Variants in DLK1 observed in about 807,000 individuals in gnomAD.
DLK1 encodes protein delta homolog 1.
A neutral mutation model predicts 35.2 loss-of-function variants in DLK1; 9 were observed. The ratio of observed to expected loss-of-function variants is 0.26; its 90% confidence interval spans 0.15 to 0.45. The LOEUF is 0.45. DLK1 is among the 20% of genes least tolerant of loss of function. DLK1 has a pLI of 1.00. For synonymous variants in DLK1, 231 were observed against 228.4 expected, an observed-to-expected ratio of 1.01 and a Z score of -0.10; for missense variants, 522 against 528.5, an observed-to-expected ratio of 0.99 and a Z score of 0.12.
intron 4 of DLK1, among the ~76,000 whole-genome samples, chr14:100,733,570 CTAA>C (rs147104355): frequency 5.9e-5 from 9 of 151,362 alleles, no homozygotes; most frequent in Non-Finnish European, 8.8e-5. Flanking sequence ...ATCCACACCG[CTAA>C]TAATAATAAT....
chr14:100,732,254 T>C (rs2036518527), intron 4 of DLK1, 71 bp downstream of exon 4: 1 of 1,558,582 alleles, frequency 6.4e-7, no homozygotes, highest in African/African-American at 1.4e-5. Context: ...CCTTTCAGCC[T>C]AACCCTGCTG....
At chr14:100,732,273 G>GTTCCCTCCCTCGCTCCC in intron 4 of DLK1, 90 bp downstream of exon 4, 1 of 1,516,198 alleles carries the variant, frequency 6.6e-7, no homozygotes, top group Non-Finnish European at 8.9e-7. Flanking sequence ...TGGACCTGTC[G>GTTCCCTCCCTCGCTCCC]TCTGACAAAA....
chr14:100,732,404 C>T (rs2273608), intron 4 of DLK1, among the ~76,000 whole-genome samples: 14,647 of 152,290 alleles, frequency 0.096, 1,081 homozygotes, highest in East Asian at 0.26. Context: ...TTCATATTCC[C>T]CTGATGTTCT....
chr14:100,732,268 C>T (rs1276141987), intron 4 of DLK1, 85 bp downstream of exon 4: 2 of 1,523,966 alleles, frequency 1.3e-6, no homozygotes, highest in African/African-American at 1.4e-5. Flanking sequence ...CCTGCTGGAC[C>T]TGTCGTCTGA....
Position 100,728,998 on chromosome 14 carries a change from A to C in DLK1, c.194A>C (p.His65Pro). ...DQCVTSPGCLHGLCGEPGQCI... is the reference protein window; with the variant it reads ...DQCVTSPGCLPGLCGEPGQCI... Reference sequence around the variant, plus strand: ...TGCGTGACCTCTCCCGGCTGCCTTCACGGACTCTGTGGAGAACCCGGGCAG... The same window carrying C: ...TGCGTGACCTCTCCCGGCTGCCTTCCCGGACTCTGTGGAGAACCCGGGCAG... Residue 65 changes from histidine (H) to proline (P), a missense_variant, in exon 3 of 5, where the codon CAC becomes CCC. Transcript: ENST00000341267. 1 of 1,613,860 alleles carries C rather than the reference A, an allele frequency of 6.2e-7. No individual in the cohort carries two copies. The highest frequency in any genetic ancestry group is 8.5e-7 in the Non-Finnish European group (1 of 1,179,960).
In DLK1 at chr14:100,734,789, C is replaced by G. The variant is rs779894012; in HGVS notation, c.1045C>G (p.Leu349Val). The change falls in exon 5 of 5, where the codon CTG becomes GTG. Residue 349 changes from leucine to valine, a missense_variant. Transcript: ENST00000341267. This position sits in a 1 kb window ranked among gnomAD's most constrained non-coding sequence, Gnocchi z 7.4. Reference protein sequence around the residue: ...YNHMLRKKKNLLLQYNSGEDL... With the variant: ...YNHMLRKKKNVLLQYNSGEDL... ...CCACATGCTGCGGAAGAAGAAGAAC[C>G]TGCTGCTTCAGTACAACAGCGGGGA... 3.1e-6 allele frequency: 5 copies of G among 1,613,980 alleles called. No homozygotes were observed. In the South Asian group the frequency reaches 5.5e-5, roughly 18 times the overall value.
In DLK1 at chr14:100,734,122, G is replaced by A. The variant is rs748580906; in HGVS notation, c.405-27G>A. On this transcript the variant is annotated intron_variant, in intron 4 of 4. Coordinates refer to ENST00000341267, the MANE Select transcript of DLK1 (RefSeq NM_003836.7). The surrounding 1 kb of genome is among the most constrained non-coding windows in gnomAD (Gnocchi z 7.4). ...CTGTTGTAGCCTAGCCCCTGAGGCCGTTTACTATGTCCCTGTTGTGTTGCA... is the reference window on the plus strand; with the variant it reads ...CTGTTGTAGCCTAGCCCCTGAGGCCATTTACTATGTCCCTGTTGTGTTGCA... 8.9e-6 allele frequency: 14 copies of A among 1,569,404 alleles called. No homozygotes were observed. The highest frequency in any genetic ancestry group is 6.0e-5 in the South Asian group (5 of 83,538).
In DLK1 at chr14:100,734,175, G is replaced by A; in HGVS notation, c.431G>A (p.Cys144Tyr). The A allele has an allele frequency of 1.2e-6, 2 of 1,611,564 alleles. No homozygotes were observed. Among genetic ancestry groups the A allele is most frequent in the Non-Finnish European group, 1.7e-6 (2 of 1,179,244 alleles). ...NGSPCQHGGT[C>Y]VDDEGRASHA... Reference sequence around the variant, plus strand: ...TCCCCCTGCCAGCACGGAGGCACCTGCGTGGATGATGAGGGCCGGGCCTCC... The same window carrying A: ...TCCCCCTGCCAGCACGGAGGCACCTACGTGGATGATGAGGGCCGGGCCTCC... Residue 144 changes from cysteine (C) to tyrosine (Y), a missense_variant, in exon 5 of 5, where the codon TGC becomes TAC. Physicochemically the swap from Cys to Tyr is radical, Grantham distance 194. Coordinates refer to ENST00000341267, the MANE Select transcript of DLK1 (RefSeq NM_003836.7). This position sits in a 1 kb window ranked among gnomAD's most constrained non-coding sequence, Gnocchi z 7.4.
chr14:100,727,131 C>A lies in DLK1; in HGVS notation c.63C>A (p.Thr21=). 3 of 1,587,408 alleles carry A rather than the reference C, an allele frequency of 1.9e-6. No individual in the cohort carries two copies. The South Asian group carries it at 3.4e-5, about 18-fold the overall frequency. The change falls in exon 1 of 5, where the codon ACC becomes ACA. Residue 21 remains threonine, a synonymous_variant. Transcript: ENST00000341267. ...TCCTGCTGGCTTTCGGCCACAGCACCTATGGTGAGTTCCCCGGCGGCCCGG... is the reference window on the plus strand; with the variant it reads ...TCCTGCTGGCTTTCGGCCACAGCACATATGGTGAGTTCCCCGGCGGCCCGG... ...LLLLLAFGHS[T]YGAECFPACN...
Position 100,727,036 on chromosome 14 carries a change from C to T in DLK1, c.-33C>T. The T allele has an allele frequency of 6.5e-7, 1 of 1,546,668 alleles. No homozygotes were observed. Among genetic ancestry groups the T allele is most frequent in the Non-Finnish European group, 8.7e-7 (1 of 1,149,750 alleles). ...CCAGGAGCCGGACCCGCGCCCGCAC[C>T]GCTCCCGGGACCGCGACCCCGGCCG... On this transcript the variant is annotated 5_prime_UTR_variant, in exon 1 of 5. Transcript: ENST00000341267.
In DLK1 at chr14:100,734,622, A is replaced by G. The variant is rs773279823; in HGVS notation, c.878A>G (p.Asn293Ser). Residue 293 changes from asparagine (N) to serine (S), a missense_variant, in exon 5 of 5, where the codon AAC becomes AGC. By Grantham distance (46) the Asn-to-Ser change is conservative. Transcript: ENST00000341267. The surrounding 1 kb of genome is among the most constrained non-coding windows in gnomAD (Gnocchi z 7.4). ...CTGAAGGTGTCCATGAAAGAGCTCA[A>G]CAAGAAAACCCCTCTCCTCACCGAG... ...RILKVSMKEL[N>S]KKTPLLTEGQ... is the part of the protein sequence containing the mutation. The G allele has an allele frequency of 6.2e-7, 1 of 1,614,030 alleles. No homozygotes were observed.
In DLK1 at chr14:100,734,048, C is replaced by T; in HGVS notation, c.405-101C>T. The T allele has an allele frequency of 6.9e-7, 1 of 1,442,784 alleles. No homozygotes were observed. Among genetic ancestry groups the T allele is most frequent in the South Asian group, 1.4e-5 (1 of 71,972 alleles). The allele number at this position is 1,442,784 out of a possible 1,614,324, so 89.4% of individuals were successfully genotyped here. On this transcript the variant is annotated intron_variant, in intron 4 of 4. Transcript: ENST00000341267. This position sits in a 1 kb window ranked among gnomAD's most constrained non-coding sequence, Gnocchi z 7.4. Reference sequence around the variant, plus strand: ...ACCTGATGTGTTTTAAGCACCTGCCCCTTAGTCAGGCCAGGGACCTTCTGC... The same window carrying T: ...ACCTGATGTGTTTTAAGCACCTGCCTCTTAGTCAGGCCAGGGACCTTCTGC...
intron 1 of DLK1, among the ~76,000 whole-genome samples, chr14:100,727,600 G>A (rs550124295): frequency 1.3e-5 from 2 of 152,160 alleles, no homozygotes; most frequent in African/African-American, 4.8e-5. Context: ...CGTTTCTGTA[G>A]GTGAGGGGCT....
intron 3 of DLK1, among the ~76,000 whole-genome samples, chr14:100,730,233 C>T (rs1219052532): frequency 2.6e-5 from 4 of 152,176 alleles, no homozygotes; most frequent in Admixed American, 6.5e-5. Context: ...GAAGCAGCGG[C>T]AGCAGCTCTG....
chr14:100,729,640 G>C (rs1327371842), intron 3 of DLK1, among the ~76,000 whole-genome samples: 1 of 152,170 alleles, frequency 6.6e-6, no homozygotes, highest in East Asian at 1.9e-4. Context: ...CTGAGAAAGG[G>C]TTAAAGTGAA....
chr14:100,728,629 G>C (rs2036467784), intron 2 of DLK1, 170 bp downstream of exon 2: 2 of 253,248 alleles, frequency 7.9e-6, no homozygotes, highest in South Asian at 8.7e-5. Context: ...GGGGGCGGGG[G>C]GGGGGCAGCC....
Position 100,738,086 on chromosome 14 carries a change from A to C in DLK1, c.*3190A>C, listed in dbSNP as rs911767970. ...CAGCAATTTGGTCCCAAATTAGGAGAGGAGGAAGAGGAGTATCAATTTTGT... is the reference window on the plus strand; with the variant it reads ...CAGCAATTTGGTCCCAAATTAGGAGCGGAGGAAGAGGAGTATCAATTTTGT... On this transcript the variant is annotated 3_prime_UTR_variant, in exon 5 of 5. Coordinates refer to ENST00000341267, the MANE Select transcript of DLK1 (RefSeq NM_003836.7). 3 of 152,206 alleles carry C rather than the reference A, an allele frequency of 2.0e-5. No homozygotes were observed. Among genetic ancestry groups the C allele is most frequent in the Non-Finnish European group, 4.4e-5 (3 of 68,036 alleles). 9.4% of individuals were successfully genotyped at this position (152,206 alleles called of 1,614,324 possible). A position where few individuals can be genotyped will look rare whatever the true frequency, so the allele number is the denominator to read the frequency against.
Position 100,734,489 on chromosome 14 carries a change from G to A in DLK1, c.745G>A (p.Ala249Thr), listed in dbSNP as rs138651182. 92 of 1,611,238 alleles carry A rather than the reference G, an allele frequency of 5.7e-5. No individual in the cohort carries two copies. The African/African-American group carries it at 8.4e-4, about 15-fold the overall frequency. The change falls in exon 5 of 5, where the codon GCG becomes ACG. Residue 249 changes from alanine (A) to threonine (T), a missense_variant. Physicochemically the swap from Ala to Thr is moderately conservative, Grantham distance 58. Coordinates refer to ENST00000341267, the MANE Select transcript of DLK1 (RefSeq NM_003836.7). This position sits in a 1 kb window ranked among gnomAD's most constrained non-coding sequence, Gnocchi z 7.4. ...AGGTCTCACCTGTGTCAAGAAGCGCGCGCTGAGCCCCCAGCAGGTCACCCG... is the reference window on the plus strand; with the variant it reads ...AGGTCTCACCTGTGTCAAGAAGCGCACGCTGAGCCCCCAGCAGGTCACCCG... ...FTGLTCVKKR[A>T]LSPQQVTRLP...
At position 100,732,130 on chromosome 14, in the gene DLK1, C is replaced by T. The variant is rs758368650; in HGVS notation, c.351C>T (p.Pro117=). The T allele has an allele frequency of 7.0e-5, 113 of 1,614,000 alleles. No homozygotes were observed. The highest frequency in any genetic ancestry group is 4.9e-4 in the Middle Eastern group (3 of 6,084). The change falls in exon 4 of 5, where the codon CCC becomes CCT. Residue 117 remains proline (P), a synonymous_variant. Transcript: ENST00000341267. ...GCCTCTATGAATGCTCCTGTGCCCC[C>T]GGGTACTCGGGAAAGGACTGCCAGA... ...DDGLYECSCA[P]GYSGKDCQKK... is the part of the protein sequence containing the mutation.
Sources: gnomAD v4.1 joint callset for allele counts (sites outside exome capture counted in the v4.1 genomes callset) on GRCh38, gnomAD v4.1.1 for gene constraint, Gnocchi (gnomAD v3.1) non-coding constraint, MANE v1.5 for transcripts, NCBI Gene and HGNC (gene_info 2026-07-23, HGNC 2026-07-21) for gene names.